TLN2: variants seen among roughly 807,000 people sequenced by gnomAD.
TLN2 encodes talin-2.
In TLN2, 118 loss-of-function variants were observed where a neutral mutation model predicts 294.7. The observed-to-expected ratio is 0.40, with a 90% confidence interval of 0.34 to 0.47. The LOEUF (loss-of-function observed/expected upper bound fraction) is 0.47. Among genes scored for constraint, TLN2 ranks in the 20% least tolerant of loss-of-function variants. The pLI is 0.84. For synonymous variants in TLN2, 1,431 were observed against 1,304.5 expected (o/e 1.10, Z -2.09); for missense variants, 3,083 against 3,282.2 (o/e 0.94, Z 1.48).
intron 4 of TLN2, among the ~76,000 whole-genome samples, chr15:62,648,192 G>A (rs909967161): frequency 1.1e-4 from 16 of 152,042 alleles, no homozygotes; most frequent in East Asian, 7.7e-4. Flanking sequence ...AGGCCAAGGC[G>A]GGAAGATCGC....
chr15:62,619,290 G>C (rs1274739614), intron 3 of TLN2, among the ~76,000 whole-genome samples: 1 of 152,234 alleles, frequency 6.6e-6, no homozygotes, highest in Non-Finnish European at 1.5e-5. Flanking sequence ...TGAGGCGCTG[G>C]AGAAGCTGCT....
At chr15:62,509,027 G>A (rs912863330) in intron 1 of TLN2, among the ~76,000 whole-genome samples, 9 of 152,166 alleles carry the variant, frequency 5.9e-5, no homozygotes, top group African/African-American at 2.2e-4. Flanking sequence ...GGTAGGTCCT[G>A]TTTTTATCTC....
At chr15:62,448,688 G>A (rs2035950356) in intron 1 of TLN2, among the ~76,000 whole-genome samples, 1 of 152,208 alleles carries the variant, frequency 6.6e-6, no homozygotes, top group Non-Finnish European at 1.5e-5. Context: ...GATACAAAAT[G>A]TTAGAAATAA....
intron 1 of TLN2, among the ~76,000 whole-genome samples, chr15:62,484,361 A>G (rs550008094): frequency 5.4e-4 from 83 of 152,322 alleles, no homozygotes; most frequent in Non-Finnish European, 1.1e-3. Context: ...AGTAAGTTCA[A>G]CTGAAACGGA....
intron 44 of TLN2, among the ~76,000 whole-genome samples, chr15:62,781,752 GA>G (rs928064149): frequency 7.3e-5 from 11 of 150,368 alleles, no homozygotes; most frequent in Admixed American, 3.3e-4. Flanking sequence ...TATGTAATAA[GA>G]AAAAAAAAAT....
At chr15:62,531,458 C>CT (rs1299423841) in intron 1 of TLN2, among the ~76,000 whole-genome samples, 5 of 151,906 alleles carry the variant, frequency 3.3e-5, no homozygotes, top group South Asian at 4.2e-4. Flanking sequence ...AGAGGAATGT[C>CT]TTTTTTTTCA....
intron 8 of TLN2, among the ~76,000 whole-genome samples, chr15:62,657,537 G>A (rs1275526150): frequency 6.6e-6 from 1 of 152,062 alleles, no homozygotes; most frequent in East Asian, 1.9e-4. Context: ...TTGCTGTACT[G>A]GACACCTCTA....
intron 27 of TLN2, 72 bp downstream of exon 27, chr15:62,725,176 G>T: frequency 1.3e-6 from 2 of 1,522,728 alleles, no homozygotes; most frequent in South Asian, 1.3e-5. Context: ...TTGTTGTTAG[G>T]GTGTTTGCTA....
chr15:62,523,020 G>A (rs983539234), intron 1 of TLN2, among the ~76,000 whole-genome samples: 2 of 150,072 alleles, frequency 1.3e-5, no homozygotes, highest in Non-Finnish European at 3.0e-5. Context: ...TCCCACCCCC[G>A]ACAATTCTAT....
chr15:62,707,864 A>G (rs1467264463), intron 20 of TLN2, among the ~76,000 whole-genome samples: 1 of 151,694 alleles, frequency 6.6e-6, no homozygotes, highest in East Asian at 1.9e-4. Context: ...TTTCCCCTCT[A>G]CTTCATGTGT....
chr15:62,673,407 C>T (rs909611605), intron 9 of TLN2, among the ~76,000 whole-genome samples: 1 of 135,118 alleles, frequency 7.4e-6, no homozygotes, highest in Non-Finnish European at 1.5e-5. Context: ...TTCCCTTCTC[C>T]TTGTTTTTCG....
Position 62,655,987 on chromosome 15 carries a change from A to C in TLN2, c.561A>C (p.Val187=). 1 of 1,614,232 alleles carries C rather than the reference A, an allele frequency of 6.2e-7. No homozygotes were observed. The highest frequency in any genetic ancestry group is 1.1e-5 in the South Asian group (1 of 91,084). Residue 187 remains valine (V), a synonymous_variant, in exon 8 of 59, where the codon GTA becomes GTC. Coordinates refer to ENST00000636159, the MANE Select transcript of TLN2 (RefSeq NM_015059.3). ...DHSRTFREQG[V]DENETLLLRR... is the part of the protein sequence containing the mutation. ...GCCGAACATTCAGAGAACAAGGAGT[A>C]GATGAAAACGAAACGTTGCTGCTTA... is the stretch of plus-strand genomic sequence containing the variant.
intron 1 of TLN2, among the ~76,000 whole-genome samples, chr15:62,443,835 A>G (rs1028293966): frequency 1.3e-5 from 2 of 152,130 alleles, no homozygotes; most frequent in African/African-American, 4.8e-5. Flanking sequence ...CCCTATCTCT[A>G]CAGAAAACAA....
At chr15:62,763,753 G>T in intron 40 of TLN2, 58 bp downstream of exon 40, 1 of 1,501,514 alleles carries the variant, frequency 6.7e-7, no homozygotes, top group Non-Finnish European at 8.9e-7. Context: ...AAAAACCTTA[G>T]CATCAGACTT....
chr15:62,492,432 G>T (rs140327253), intron 1 of TLN2, among the ~76,000 whole-genome samples: 1 of 151,778 alleles, frequency 6.6e-6, no homozygotes, highest in African/African-American at 2.4e-5. Context: ...GGTTGGGAGT[G>T]CCTGTAATCT....
chr15:62,402,511 C>T (rs965000083), intron 1 of TLN2, among the ~76,000 whole-genome samples: 19 of 152,192 alleles, frequency 1.2e-4, no homozygotes, highest in African/African-American at 4.3e-4. Flanking sequence ...CTACCTTGAC[C>T]TTTCCCCGCT....
Position 62,763,598 on chromosome 15 carries a change from C to G in TLN2, c.4997C>G (p.Ser1666Cys). The change falls in exon 40 of 59, where the codon TCC becomes TGC. Residue 1666 changes from serine to cysteine, a missense_variant. Coordinates refer to ENST00000636159, the MANE Select transcript of TLN2 (RefSeq NM_015059.3). ...CCTGGACAGAGGGAGTGTGATTACTCCATCGATGGCATCAACCGGTGCATC... is the reference window on the plus strand; with the variant it reads ...CCTGGACAGAGGGAGTGTGATTACTGCATCGATGGCATCAACCGGTGCATC... ...KAPGQRECDYSIDGINRCIRD... is the reference protein window; with the variant it reads ...KAPGQRECDYCIDGINRCIRD... 1 of 1,613,724 alleles carries G rather than the reference C, an allele frequency of 6.2e-7. No homozygotes were observed. The highest frequency in any genetic ancestry group is 1.1e-5 in the South Asian group (1 of 91,068).
At chr15:62,726,589 A>C (rs961508391) in intron 27 of TLN2, among the ~76,000 whole-genome samples, 3 of 152,150 alleles carry the variant, frequency 2.0e-5, no homozygotes, top group African/African-American at 7.2e-5. Context: ...GGAACTCCTC[A>C]AAGTATAATG....
At chr15:62,657,943 C>G in intron 9 of TLN2, 45 bp downstream of exon 9, 1 of 1,561,640 alleles carries the variant, frequency 6.4e-7, no homozygotes. Context: ...CTCCTGTCTT[C>G]TTTCTCTTTC....
Sources: allele counts gnomAD v4.1 joint callset (sites outside exome capture counted in the v4.1 genomes callset), GRCh38; gene constraint gnomAD v4.1.1; transcripts MANE v1.5; gene names NCBI Gene and HGNC (gene_info 2026-07-23, HGNC 2026-07-21).